Variants in TPRX1 observed in about 807,000 individuals in gnomAD.
The protein encoded by TPRX1 is tetra-peptide repeat homeobox protein 1.
Under a neutral mutation model 8.1 loss-of-function variants are expected in TPRX1, and 2 were observed. The observed-to-expected ratio is 0.25, with a 90% CI of 0.10 to 0.78. TPRX1 has a LOEUF of 0.78. TPRX1 is among the 30% of genes least tolerant of loss of function. The pLI, the probability that TPRX1 is intolerant of heterozygous loss-of-function variation, is 0.70. For missense variants in TPRX1, 517 were observed against 586.9 expected, an observed-to-expected ratio of 0.88 and a Z score of 1.23; for synonymous variants, 257 against 254.1, an observed-to-expected ratio of 1.01 and a Z score of -0.11.
intron 2 of TPRX1, among the ~76,000 whole-genome samples, chr19:47,812,260 G>C (rs1967790748): frequency 6.6e-6 from 1 of 152,104 alleles, no homozygotes. Flanking sequence ...TTGTTCTCAG[G>C]GAACTCGTTG....
intron 2 of TPRX1, among the ~76,000 whole-genome samples, chr19:47,816,160 G>C (rs6509342): frequency 0.4 from 60,126 of 150,934 alleles, 12,068 homozygotes; most frequent in Middle Eastern, 0.48. Flanking sequence ...CCTCCGCCTC[G>C]CGGGTTCAAG....
chr19:47,802,919 T>C (rs546141446), exon 4 of TPRX1: 2 of 1,550,958 alleles, frequency 1.3e-6, no homozygotes, highest in Non-Finnish European at 1.7e-6. Flanking sequence ...AGGGACGCGC[T>C]GGGGCTGCTG....
intron 2 of TPRX1, among the ~76,000 whole-genome samples, chr19:47,817,486 C>T (rs1346304810): frequency 6.6e-6 from 1 of 152,132 alleles, no homozygotes; most frequent in African/African-American, 2.4e-5. Flanking sequence ...CACAGCCCCA[C>T]GGAGCTCAGA....
intron 2 of TPRX1, among the ~76,000 whole-genome samples, chr19:47,817,962 A>G (rs1010558207): frequency 3.3e-5 from 5 of 152,170 alleles, no homozygotes; most frequent in African/African-American, 1.2e-4. Flanking sequence ...GGATGCACCC[A>G]CTACCAGGCA....
chr19:47,816,377 A>C (rs1967840702), intron 2 of TPRX1, among the ~76,000 whole-genome samples: 1 of 150,518 alleles, frequency 6.6e-6, no homozygotes. Flanking sequence ...CTTCTTTTTA[A>C]TTTTTTAAAA....
chr19:47,815,221 T>TTCGGCTCACTGCAACC (rs1214293396), intron 2 of TPRX1, among the ~76,000 whole-genome samples: 1 of 129,714 alleles, frequency 7.7e-6, no homozygotes, highest in Non-Finnish European at 1.6e-5. Flanking sequence ...GTGGTGTGAG[T>TTCGGCTCACTGCAACC]TCGGCTCACT....
intron 2 of TPRX1, among the ~76,000 whole-genome samples, chr19:47,815,162 A>ATATGCAAATATATATATATATATATAT (rs1360730858): frequency 2.7e-5 from 2 of 74,712 alleles, no homozygotes; most frequent in African/African-American, 1.0e-4. Context: ...ATATATATAT[A>ATATGCAAATATATATATATATATATAT]TTTTTTTTTT....
chr19:47,802,841 C>T (rs1446952221), exon 4 of TPRX1: 1 of 1,600,482 alleles, frequency 6.2e-7, no homozygotes. Flanking sequence ...CGAGGGGCCC[C>T]GCTGAGGTGC....
intron 2 of TPRX1, among the ~76,000 whole-genome samples, chr19:47,816,728 T>G (rs1036672913): frequency 2.0e-5 from 3 of 151,382 alleles, no homozygotes; most frequent in Non-Finnish European, 4.4e-5. Flanking sequence ...GAGATGGGGT[T>G]TCACCATGTT....
At chr19:47,801,452 T>A in exon 4 of TPRX1, 1 of 253,674 alleles carries the variant, frequency 3.9e-6, no homozygotes, top group Non-Finnish European at 7.4e-6. Flanking sequence ...AGTCTCACAA[T>A]CCTAAGTGTT....
rs1464248410 is a variant in TPRX1, at chr19:47,815,168, T to A, written c.151+3300A>T. ...TGCAAATATATATATATATATTTTT[T>A]TTTTTTGAGACAGTCTTGCTATGTT... On this transcript the variant is annotated intron_variant, in intron 2 of 3. Transcript: ENST00000535759. 4.9e-4 allele frequency among the ~76,000 whole-genome samples: 31 copies of A among 63,236 alleles called. 2 individuals are homozygous for A. The highest frequency in any genetic ancestry group is 1.9e-3 in the African/African-American group (30 of 15,794). The allele number at this position is 63,236 out of a possible 152,430, so 41.5% of individuals were successfully genotyped here. A position where few individuals can be genotyped will look rare whatever the true frequency, so the allele number is the denominator to read the frequency against.
intron 2 of TPRX1, among the ~76,000 whole-genome samples, chr19:47,808,655 C>T (rs1341615839): frequency 1.6e-5 from 2 of 127,744 alleles, no homozygotes; most frequent in Non-Finnish European, 3.7e-5. Context: ...GGGGTTTCAC[C>T]ATGTTGGCCA....
At position 47,804,662 on chromosome 19, in the gene TPRX1, T is replaced by C. The variant is rs1408845312; in HGVS notation, c.152-989A>G. ...GGACCCTCCCTTTCCCACCCTGCCCTGCAGTCCCGCCCCCTGGAGGAGTTG... is the reference window on the plus strand; with the variant it reads ...GGACCCTCCCTTTCCCACCCTGCCCCGCAGTCCCGCCCCCTGGAGGAGTTG... On this transcript the variant is annotated intron_variant, in intron 2 of 3. Transcript: ENST00000535759. 2.3e-5 allele frequency among the ~76,000 whole-genome samples: 3 copies of C among 130,124 alleles called. No individual in the cohort carries two copies. The Admixed American group carries it at 2.3e-4, about 10-fold the overall frequency. 85.4% of individuals were successfully genotyped at this position (130,124 alleles called of 152,430 possible). A position where few individuals can be genotyped will look rare whatever the true frequency, so the allele number is the denominator to read the frequency against.
At chr19:47,818,571 T>G (rs1005052244) in intron 1 of TPRX1, 4 of 455,830 alleles carry the variant, frequency 8.8e-6, no homozygotes, top group African/African-American at 8.0e-5. Flanking sequence ...AAGATGTCAG[T>G]AAGAGTTTTG....
At position 47,809,644 on chromosome 19, in the gene TPRX1, G is replaced by A. The variant is rs550968222; in HGVS notation, c.152-5971C>T. 1.7e-3 allele frequency among the ~76,000 whole-genome samples: 261 copies of A among 152,086 alleles called. 1 individual carries two copies. The highest frequency in any genetic ancestry group is 5.9e-3 in the African/African-American group (243 of 41,488). On this transcript the variant is annotated intron_variant, in intron 2 of 3. Coordinates refer to ENST00000535759, the Ensembl canonical transcript of TPRX1. ...AAAAGTAATTACCCAGAGATGACGC[G>A]GAATGTCTATTTTCTCTATTTCCTG...
chr19:47,816,707 A>ATT (rs374042470), intron 2 of TPRX1, among the ~76,000 whole-genome samples: 2 of 149,558 alleles, frequency 1.3e-5, no homozygotes, highest in African/African-American at 4.9e-5. Flanking sequence ...TATTTTTTGT[A>ATT]TTTTTTAGTA....
chr19:47,815,114 TTATATATATATA>T (rs548380113), intron 2 of TPRX1, among the ~76,000 whole-genome samples: 18 of 63,368 alleles, frequency 2.8e-4, no homozygotes, highest in East Asian at 4.0e-4. Flanking sequence ...AATAGATAAA[TTATATATATATA>T]TATATATATA....
chr19:47,802,760 G>T, exon 4 of TPRX1: 1 of 1,606,654 alleles, frequency 6.2e-7, no homozygotes, highest in South Asian at 1.1e-5. Flanking sequence ...GCCCTTCTGG[G>T]CTCTGCACCC....
At chr19:47,802,173 T>G (rs774248600) in exon 4 of TPRX1, 35 of 1,604,572 alleles carry the variant, frequency 2.2e-5, no homozygotes, top group Non-Finnish European at 2.7e-5. Context: ...CCTTGGAGTC[T>G]GCCTGGGCCT....
Sources: gnomAD v4.1 joint callset for allele counts (sites outside exome capture counted in the v4.1 genomes callset) on GRCh38, gnomAD v4.1.1 for gene constraint, MANE v1.5 for transcripts, NCBI Gene and HGNC (gene_info 2026-07-23, HGNC 2026-07-21) for gene names.